RUNDC1: variants seen among roughly 807,000 people sequenced by gnomAD.
RUNDC1 encodes the protein RUN domain containing 1.
RUNDC1 carries 31 observed loss-of-function variants against 49.3 expected under a neutral mutation model. That is an observed-to-expected ratio of 0.63 (90% CI 0.47 to 0.85). The LOEUF (loss-of-function observed/expected upper bound fraction) is 0.85. Among genes scored for constraint, RUNDC1 ranks in the 40% least tolerant of loss-of-function variants. The pLI, the probability that RUNDC1 is intolerant of heterozygous loss-of-function variation, is 0.00. For synonymous variants in RUNDC1, 347 were observed against 348.6 expected, an observed-to-expected ratio of 1.00 and a Z score of 0.05; for missense variants, 715 against 806.7, an observed-to-expected ratio of 0.89 and a Z score of 1.38.
chr17:42,982,960 C>T (rs2050122602), intron 1 of RUNDC1, among the ~76,000 whole-genome samples: 1 of 150,578 alleles, frequency 6.6e-6, no homozygotes, highest in Non-Finnish European at 1.5e-5. Flanking sequence ...GCACCCCAGC[C>T]TGGGGCAACA....
chr17:42,989,288 A>AAAATT, intron 2 of RUNDC1, 53 bp from the exon 3 acceptor site: 1 of 1,368,170 alleles, frequency 7.3e-7, no homozygotes, highest in South Asian at 1.2e-5. Context: ...CTCCTTCCTA[A>AAAATT]CCCTCTCCCT....
chr17:42,983,623 T>C (rs919333915), intron 1 of RUNDC1, among the ~76,000 whole-genome samples: 2 of 151,210 alleles, frequency 1.3e-5, no homozygotes, highest in Non-Finnish European at 1.5e-5. Flanking sequence ...GCCACCCACC[T>C]TGGCCACCCA....
In RUNDC1 at chr17:42,991,846, C is replaced by A; in HGVS notation, c.*130C>A. The stretch of plus-strand genomic sequence containing the variant: ...CCCAGACCCTGCTCAGGCAGTCGGC[C>A]AAATGAGTGCAAAGTCTGTTTTCCC... On this transcript the variant is annotated 3_prime_UTR_variant, in exon 5 of 5. Coordinates refer to ENST00000361677, the MANE Select transcript of RUNDC1 (RefSeq NM_173079.5). 2 of 902,100 alleles carry A rather than the reference C, an allele frequency of 2.2e-6. No individual in the cohort carries two copies. Among genetic ancestry groups the A allele is most frequent in the Non-Finnish European group, 3.3e-6 (2 of 599,378 alleles). 55.9% of individuals were successfully genotyped at this position (902,100 alleles called of 1,614,324 possible).
At chr17:42,983,018 G>GAAAA (rs138243664) in intron 1 of RUNDC1, among the ~76,000 whole-genome samples, 1 of 134,252 alleles carries the variant, frequency 7.4e-6, no homozygotes. Context: ...ATTAAAAACT[G>GAAAA]AAAAAAAAAA....
rs1042589163 is a variant in RUNDC1 at position 42,994,100 on chromosome 17, C to A, written c.*2384C>A. Reference sequence around the variant, plus strand: ...CTCGAACTCCTGACCTCAGGTGATCCACCCACTTCAGCCTCCCAAAGTGCT... The same window carrying A: ...CTCGAACTCCTGACCTCAGGTGATCAACCCACTTCAGCCTCCCAAAGTGCT... On this transcript the variant is annotated 3_prime_UTR_variant, in exon 5 of 5. Coordinates refer to ENST00000361677, the MANE Select transcript of RUNDC1 (RefSeq NM_173079.5). Among the ~76,000 whole-genome samples, 2 of 152,200 alleles carry A rather than the reference C, an allele frequency of 1.3e-5. No homozygotes were observed. Among genetic ancestry groups the A allele is most frequent in the African/African-American group, 4.8e-5 (2 of 41,444 alleles).
At position 42,990,192 on chromosome 17, in the gene RUNDC1, CAATT is replaced by C. The variant is rs976047476; in HGVS notation, c.857-122_857-119del. Reference sequence around the variant, plus strand: ...ACTGTATGCCAGTCCTCATTTTACACAATTAAATAGGACAAGAGTTTGTGAAATT... The same window carrying C: ...ACTGTATGCCAGTCCTCATTTTACACAAATAGGACAAGAGTTTGTGAAATT... On this transcript the variant is annotated intron_variant, in intron 3 of 4. Transcript: ENST00000361677. 15 of 1,295,154 alleles carry C rather than the reference CAATT, an allele frequency of 1.2e-5. No homozygotes were observed. In the African/African-American group the frequency reaches 1.9e-4, roughly 17 times the overall value. The allele number at this position is 1,295,154 out of a possible 1,614,324, so 80.2% of individuals were successfully genotyped here. A position where few individuals can be genotyped will look rare whatever the true frequency, so the allele number is the denominator to read the frequency against.
At chr17:42,988,885 A>C (rs2050203196) in intron 2 of RUNDC1, among the ~76,000 whole-genome samples, 1 of 152,150 alleles carries the variant, frequency 6.6e-6, no homozygotes, top group Non-Finnish European at 1.5e-5. Context: ...ACCGAGGCAG[A>C]AGGATTGCTT....
intron 1 of RUNDC1, among the ~76,000 whole-genome samples, chr17:42,985,885 T>C (rs1447716223): frequency 6.6e-6 from 1 of 152,234 alleles, no homozygotes; most frequent in African/African-American, 2.4e-5. Context: ...AAGGAGTCAC[T>C]AGTCAGCAAA....
In RUNDC1 at chr17:42,989,428, G is replaced by T. The variant is rs1452185201; in HGVS notation, c.745G>T (p.Val249Leu). Residue 249 changes from valine to leucine, a missense_variant, in exon 3 of 5, where the codon GTA becomes TTA. Val to Leu is a conservative substitution (Grantham distance 32). This residue lies in a region of RUNDC1 where 425 missense variants were observed against 499.7 expected (regional missense o/e 0.85). Coordinates refer to ENST00000361677, the MANE Select transcript of RUNDC1 (RefSeq NM_173079.5). ...SLSTEELRQR[V>L]DAAVAQIVNP... ...GTCCACTGAAGAGCTTCGTCAGCGT[G>T]TAGATGCAGCAGTGGCTCAGATCGT... 8 of 1,614,004 alleles carry T rather than the reference G, an allele frequency of 5.0e-6. No homozygotes were observed. The highest frequency in any genetic ancestry group is 1.3e-5 in the African/African-American group (1 of 74,912).
chr17:42,989,280 C>T (rs1164860361), intron 2 of RUNDC1, 61 bp from the exon 3 acceptor site: 6 of 1,270,378 alleles, frequency 4.7e-6, no homozygotes, highest in African/African-American at 4.4e-5. Context: ...TTTAGATTCT[C>T]CTTCCTAACC....
At position 42,987,294 on chromosome 17, in the gene RUNDC1, G is replaced by A; in HGVS notation, c.537G>A (p.Arg179=). The A allele has an allele frequency of 6.2e-7, 1 of 1,614,064 alleles. No individual in the cohort carries two copies. The highest frequency in any genetic ancestry group is 8.5e-7 in the Non-Finnish European group (1 of 1,179,992). The change falls in exon 2 of 5, where the codon AGG becomes AGA. Residue 179 remains arginine, a synonymous_variant. Transcript: ENST00000361677. Reference sequence around the variant, plus strand: ...AGCAAGAGCGTCTGGAAACCCAAAGGGAGAAGCAGAAAGAACTGATACTGC... The same window carrying A: ...AGCAAGAGCGTCTGGAAACCCAAAGAGAGAAGCAGAAAGAACTGATACTGC... ...QEKQERLETQ[R]EKQKELILQL...
chr17:42,983,292 A>C (rs943299398), intron 1 of RUNDC1, among the ~76,000 whole-genome samples: 1 of 151,124 alleles, frequency 6.6e-6, no homozygotes, highest in African/African-American at 2.4e-5. Context: ...ATACATTGAC[A>C]GGTGAACAGG....
chr17:42,995,126 T>C lies in RUNDC1; in HGVS notation c.*3410T>C, dbSNP rs961685747. ...GAGATTTGGAGAGACTGTTAAAATA[T>C]AGATTGCTGGGTCCCATCCCCAGAG... is the stretch of plus-strand genomic sequence containing the variant. On this transcript the variant is annotated 3_prime_UTR_variant, in exon 5 of 5. Coordinates refer to ENST00000361677, the MANE Select transcript of RUNDC1 (RefSeq NM_173079.5). 3.3e-5 allele frequency among the ~76,000 whole-genome samples: 5 copies of C among 152,092 alleles called. No homozygotes were observed. The highest frequency in any genetic ancestry group is 9.7e-5 in the African/African-American group (4 of 41,404).
At chr17:42,981,100 G>A (rs1282855343) in intron 1 of RUNDC1, 26 bp downstream of exon 1, 1 of 1,544,216 alleles carries the variant, frequency 6.5e-7, no homozygotes. Flanking sequence ...CGGGCCGCGA[G>A]GAATATGGGA....
At chr17:42,981,252 G>A in intron 1 of RUNDC1, 178 bp downstream of exon 1, 2 of 780,360 alleles carry the variant, frequency 2.6e-6, no homozygotes, top group Non-Finnish European at 3.9e-6. Flanking sequence ...GAGGACAGAG[G>A]CCTGGGAACC....
At chr17:42,985,444 A>G (rs919619336) in intron 1 of RUNDC1, among the ~76,000 whole-genome samples, 15 of 152,190 alleles carry the variant, frequency 9.9e-5, no homozygotes, top group African/African-American at 3.4e-4. Flanking sequence ...GGCCTTCACC[A>G]AATGGGGAAG....
chr17:42,991,756 G>A lies in RUNDC1; in HGVS notation c.*40G>A. The A allele has an allele frequency of 6.4e-7, 1 of 1,562,168 alleles. No individual in the cohort carries two copies. Among genetic ancestry groups the A allele is most frequent in the South Asian group, 1.2e-5 (1 of 83,874 alleles). On this transcript the variant is annotated 3_prime_UTR_variant, in exon 5 of 5. Coordinates refer to ENST00000361677, the MANE Select transcript of RUNDC1 (RefSeq NM_173079.5). ...CCCCAGACAAGCTCCTTGTTCAGTA[G>A]GGATAGATGTGCTAGTCTTCTAGCA...
chr17:42,981,065 C>T lies in RUNDC1; in HGVS notation c.489C>T (p.Gly163=), dbSNP rs772087875. 9.6e-6 allele frequency: 15 copies of T among 1,563,682 alleles called. No homozygotes were observed. In the Admixed American group the frequency reaches 2.0e-4, roughly 21 times the overall value. Residue 163 remains glycine (G), a synonymous_variant, in exon 1 of 5, where the codon GGC becomes GGT. Transcript: ENST00000361677. ...CAGGGGACCGGCCATGGTTGCGGGG[C>T]GAGGACCAGGTGAGTGGCTGGAGCC... is the stretch of plus-strand genomic sequence containing the variant. The part of the protein sequence containing the change: ...GLPGDRPWLR[G]EDQSEQEKQE...
In RUNDC1 at chr17:42,987,246, C is replaced by A. The variant is rs1398734280; in HGVS notation, c.499-10C>A. ...CCTGCATAATAGACCCAATTATTTT[C>A]TTGCCTTAGAGTGAGCAGGAAAAGC... On this transcript the variant is annotated splice_polypyrimidine_tract_variant and intron_variant, in intron 1 of 4. Coordinates refer to ENST00000361677, the MANE Select transcript of RUNDC1 (RefSeq NM_173079.5). 6.2e-7 allele frequency: 1 copy of A among 1,612,984 alleles called. No homozygotes were observed. The highest frequency in any genetic ancestry group is 1.3e-5 in the African/African-American group (1 of 74,864).
Sources: gnomAD v4.1 joint callset for allele counts (sites outside exome capture counted in the v4.1 genomes callset) on GRCh38, gnomAD v4.1.1 for gene constraint, gnomAD v4.1.1 regional missense constraint, MANE v1.5 for transcripts, NCBI Gene and HGNC (gene_info 2026-07-23, HGNC 2026-07-21) for gene names.